Variants in DNAH14 observed in about 807,000 individuals in gnomAD.
DNAH14 encodes dynein axonemal heavy chain 14, also known as axonemal beta dynein heavy chain 14.
Under a neutral mutation model 520.9 loss-of-function variants are expected in DNAH14, and 478 were observed. The ratio of observed to expected loss-of-function variants is 0.92; its 90% CI spans 0.85 to 0.99. The LOEUF (loss-of-function observed/expected upper bound fraction) is 0.99, where lower values mean the gene tolerates loss of function less well. DNAH14 is among the 50% of genes least tolerant of loss of function. DNAH14 has a pLI of 0.00. For synonymous variants in DNAH14, 1,581 were observed against 1,757.2 expected (o/e 0.90, Z 2.51); for missense variants, 4,831 against 5,234.5 (o/e 0.92, Z 2.38).
intron 54 of DNAH14, 140 bp from the exon 55 acceptor site, chr1:225,289,745 G>A (rs1439909594): frequency 6.1e-6 from 3 of 493,948 alleles, no homozygotes; most frequent in Non-Finnish European, 9.9e-6. Context: ...TGTTTAATAT[G>A]ACTCCCAAAA....
intron 81 of DNAH14, among the ~76,000 whole-genome samples, chr1:225,383,859 TTC>T (rs2095807486): frequency 6.6e-6 from 1 of 152,234 alleles, no homozygotes; most frequent in Non-Finnish European, 1.5e-5. Context: ...CTTTCCTGCT[TTC>T]TCTTGTGGGC....
Position 225,185,327 on chromosome 1 carries a change from G to A in DNAH14, c.5572G>A (p.Gly1858Arg), listed in dbSNP as rs2084558426. ...VGVMLVGPTG[G>R]GKTTVRRILE... Reference sequence around the variant, plus strand: ...TGTGATGTTAGTGGGCCCAACAGGTGGAGGAAAGACAACAGTCAGAAGAAT... The same window carrying A: ...TGTGATGTTAGTGGGCCCAACAGGTAGAGGAAAGACAACAGTCAGAAGAAT... Residue 1858 changes from glycine to arginine, a missense_variant, in exon 37 of 86, where the codon GGA becomes AGA. Gly to Arg is a moderately radical substitution (Grantham distance 125). Coordinates refer to ENST00000682510, the MANE Select transcript of DNAH14 (RefSeq NM_001367479.1). 1.3e-6 allele frequency: 2 copies of A among 1,546,630 alleles called. No individual in the cohort carries two copies. The highest frequency in any genetic ancestry group is 2.8e-5 in the African/African-American group (2 of 72,668).
At position 225,043,006 on chromosome 1, in the gene DNAH14, A is replaced by G; in HGVS notation, c.1660A>G (p.Met554Val). The change falls in exon 13 of 86, where the codon ATG (methionine) becomes GTG (valine). Residue 554 changes from methionine (M) to valine (V), a missense_variant. Coordinates refer to ENST00000682510, the MANE Select transcript of DNAH14 (RefSeq NM_001367479.1). The stretch of plus-strand genomic sequence containing the variant: ...AGAGTGTGTGATGTTTGAAGATGAA[A>G]TGTCAGAAAATAAAGACAATTGTGT... The part of the protein sequence containing the change: ...PEECVMFEDE[M>V]SENKDNCVKK... The G allele has an allele frequency of 6.4e-7, 1 of 1,551,912 alleles. No individual in the cohort carries two copies. Among genetic ancestry groups the G allele is most frequent in the Non-Finnish European group, 8.7e-7 (1 of 1,147,044 alleles).
chr1:225,177,644 A>G (rs1231956941), intron 36 of DNAH14, among the ~76,000 whole-genome samples: 5 of 152,188 alleles, frequency 3.3e-5, no homozygotes, highest in African/African-American at 1.2e-4. Context: ...CAGAGGGTGC[A>G]AGCCTCAAGC....
At chr1:225,084,669 A>G (rs931900375) in intron 20 of DNAH14, among the ~76,000 whole-genome samples, 1 of 151,934 alleles carries the variant, frequency 6.6e-6, no homozygotes, top group African/African-American at 2.4e-5. Context: ...GCTTTATAAT[A>G]AAGTTAGATA....
chr1:225,268,985 A>G (rs1303256388), intron 49 of DNAH14, among the ~76,000 whole-genome samples: 2 of 151,966 alleles, frequency 1.3e-5, no homozygotes, highest in Admixed American at 6.6e-5. Flanking sequence ...CTACTTTAAA[A>G]TTCATATGGA....
chr1:225,073,142 C>G (rs902386907), intron 17 of DNAH14, among the ~76,000 whole-genome samples: 1 of 152,138 alleles, frequency 6.6e-6, no homozygotes, highest in Admixed American at 6.5e-5. Flanking sequence ...AGCCAGAGAC[C>G]CCAGTTGGGA....
At chr1:225,302,522 C>T (rs947407029) in intron 56 of DNAH14, among the ~76,000 whole-genome samples, 2 of 152,134 alleles carry the variant, frequency 1.3e-5, no homozygotes, top group African/African-American at 4.8e-5. Context: ...GTAATGCGGA[C>T]TTATTGCAAA....
chr1:224,973,802 G>A (rs1011571675), intron 7 of DNAH14, among the ~76,000 whole-genome samples: 7 of 152,016 alleles, frequency 4.6e-5, no homozygotes, highest in African/African-American at 1.7e-4. Context: ...AACATATAAA[G>A]GAAAACGGTA....
intron 28 of DNAH14, among the ~76,000 whole-genome samples, 184 bp from the exon 29 acceptor site, chr1:225,144,213 C>T (rs1444050495): frequency 1.3e-5 from 2 of 152,188 alleles, no homozygotes. Flanking sequence ...TCTACTATTT[C>T]ATACCTAATA....
chr1:225,123,462 G>T (rs2077445296), intron 26 of DNAH14, 65 bp from the exon 27 acceptor site: 2 of 297,152 alleles, frequency 6.7e-6, no homozygotes. Context: ...CGTCATGCTT[G>T]GTCATTAAAT....
intron 4 of DNAH14, among the ~76,000 whole-genome samples, chr1:224,962,972 C>A (rs1464721069): frequency 6.6e-6 from 1 of 151,954 alleles, no homozygotes; most frequent in Non-Finnish European, 1.5e-5. Flanking sequence ...TTGATATTTT[C>A]CAATTTTAAA....
intron 78 of DNAH14, 79 bp from the exon 79 acceptor site, chr1:225,377,158 C>T (rs535585822): frequency 8.3e-7 from 1 of 1,200,800 alleles, no homozygotes; most frequent in Non-Finnish European, 1.1e-6. Flanking sequence ...AAGTAGGTAT[C>T]TTACTCTGGC....
In DNAH14 at chr1:225,212,493, A is replaced by G. The variant is rs186479600; in HGVS notation, c.6439+5273A>G. ...GAGGAATCGCCACACTGTCTTCCAC[A>G]ATGATTGAACTAGTTTACAGTCCCA... On this transcript the variant is annotated intron_variant, in intron 41 of 85. Coordinates refer to ENST00000682510, the MANE Select transcript of DNAH14 (RefSeq NM_001367479.1). 7.2e-4 allele frequency among the ~76,000 whole-genome samples: 109 copies of G among 152,284 alleles called. 1 individual carries two copies. The East Asian group carries it at 0.017, about 24-fold the overall frequency.
At position 225,265,171 on chromosome 1, in the gene DNAH14, T is replaced by C; in HGVS notation, c.7223-11T>C. On this transcript the variant is annotated splice_polypyrimidine_tract_variant and intron_variant, in intron 47 of 85. Transcript: ENST00000682510. ...TAAATTTGTTTTTTCTTTCTATGTT[T>C]GGCATCACAGATAATCCCACTAAAA... 2 of 1,440,498 alleles carry C rather than the reference T, an allele frequency of 1.4e-6. No individual in the cohort carries two copies. The highest frequency in any genetic ancestry group is 1.8e-6 in the Non-Finnish European group (2 of 1,101,630). 89.2% of individuals were successfully genotyped at this position (1,440,498 alleles called of 1,614,324 possible).
In DNAH14 at chr1:225,082,305, G is replaced by T. The variant is rs186307336; in HGVS notation, c.3137-244G>T. On this transcript the variant is annotated intron_variant, in intron 19 of 85. Coordinates refer to ENST00000682510, the MANE Select transcript of DNAH14 (RefSeq NM_001367479.1). The stretch of plus-strand genomic sequence containing the variant: ...GTATCAAATTTTCTAAGATGATTTG[G>T]TTGTGATAGTTGGGTTTTAGTCACC... Among the ~76,000 whole-genome samples, 183 of 151,838 alleles carry T rather than the reference G, an allele frequency of 1.2e-3. 2 individuals are homozygous for T. The highest frequency in any genetic ancestry group is 6.8e-3 in the Middle Eastern group (2 of 294).
intron 21 of DNAH14, among the ~76,000 whole-genome samples, chr1:225,087,525 G>A (rs180857954): frequency 6.6e-6 from 1 of 152,298 alleles, no homozygotes; most frequent in Admixed American, 6.5e-5. Flanking sequence ...CGGGACACTG[G>A]ACATCAGGTA....
At chr1:224,964,716 A>T (rs1390738789) in intron 5 of DNAH14, 107 bp downstream of exon 5, 11 of 982,082 alleles carry the variant, frequency 1.1e-5, no homozygotes, top group Non-Finnish European at 1.6e-5. Flanking sequence ...CATTACATTA[A>T]TATCAAGTTA....
At chr1:225,043,693 T>C (rs2148233679) in intron 13 of DNAH14, 51 bp from the exon 14 acceptor site, 4 of 1,294,716 alleles carry the variant, frequency 3.1e-6, no homozygotes, top group Non-Finnish European at 4.3e-6. Context: ...TTACCTGATA[T>C]AAATATCAAT....
Sources: allele counts gnomAD v4.1 joint callset (sites outside exome capture counted in the v4.1 genomes callset), GRCh38; gene constraint gnomAD v4.1.1; transcripts MANE v1.5; gene names NCBI Gene and HGNC (gene_info 2026-07-23, HGNC 2026-07-21).